REPS2: variants seen among roughly 807,000 people sequenced by gnomAD.
The protein encoded by REPS2 is ralBP1-associated Eps domain-containing protein 2.
Under a neutral mutation model 53.6 loss-of-function variants are expected in REPS2, and 23 were observed. The observed-to-expected ratio is 0.43, with a 90% CI of 0.31 to 0.61. The LOEUF is 0.61. Among genes scored for constraint, REPS2 ranks in the 20% least tolerant of loss-of-function variants. The probability of loss-of-function intolerance (pLI) is 0.11; values close to 1 mark genes in which losing one functional copy is unlikely to be tolerated. For synonymous variants in REPS2, 238 were observed against 218.6 expected, an observed-to-expected ratio of 1.09 and a Z score of -0.78; for missense variants, 446 against 534.9, an observed-to-expected ratio of 0.83 and a Z score of 1.64.
chrX:17,022,044 C>A, intron 2 of REPS2, 79 bp from the exon 3 acceptor site: 1 of 898,955 alleles, frequency 1.1e-6, no homozygotes, highest in Non-Finnish European at 1.5e-6. Context: ...AATGATTCAT[C>A]GTTTGGCCAT....
At chrX:17,105,048 A>G (rs1049383312) in intron 14 of REPS2, among the ~76,000 whole-genome samples, 1 of 109,159 alleles carries the variant, frequency 9.2e-6, no homozygotes, top group Non-Finnish European at 1.9e-5. Context: ...TTTTTAACAG[A>G]TAAGGAAGTT....
At chrX:16,981,650 T>C (rs988101938) in intron 1 of REPS2, among the ~76,000 whole-genome samples, 3 of 112,305 alleles carry the variant, frequency 2.7e-5, no homozygotes, top group Non-Finnish European at 5.6e-5. Flanking sequence ...TTCTTCCAAG[T>C]GTGATCAAGC....
Position 16,951,552 on chromosome X carries a change from CACACA to C in REPS2, c.273+4419_273+4423del, listed in dbSNP as rs1250003739. Among the ~76,000 whole-genome samples, 155 of 31,630 alleles carry C rather than the reference CACACA, an allele frequency of 4.9e-3. 1 individual carries two copies. Among genetic ancestry groups the C allele is most frequent in the Admixed American group, 0.016 (36 of 2,257 alleles). 27.5% of individuals were successfully genotyped at this position (31,630 alleles called of 115,157 possible). A position where few individuals can be genotyped will look rare whatever the true frequency, so the allele number is the denominator to read the frequency against. ...ACACACACACACACACACACACACACACACACACCCCCGCTACCTACCTCTCTCTG... is the reference window on the plus strand; with the variant it reads ...ACACACACACACACACACACACACACCACCCCCGCTACCTACCTCTCTCTG... On this transcript the variant is annotated intron_variant, in intron 1 of 17. Transcript: ENST00000357277.
chrX:17,096,880 C>T (rs1297259696), intron 13 of REPS2, among the ~76,000 whole-genome samples: 1 of 110,672 alleles, frequency 9.0e-6, no homozygotes, highest in African/African-American at 3.3e-5. Flanking sequence ...TTGTCTAGAA[C>T]ACAGTACAGT....
rs1405252201 is a variant in REPS2, at chrX:17,022,172, A to G, written c.447A>G (p.Arg149=). 2 of 1,209,620 alleles carry G rather than the reference A, an allele frequency of 1.7e-6. No homozygotes were observed. Residue 149 remains arginine, a synonymous_variant, in exon 3 of 18, where the codon CGA becomes CGG. Transcript: ENST00000357277. ...TGTCAAAGAATGATGGTGAGATACG[A>G]TTTGGGAACCCAGCTGAGCTGCATG... ...FMMSKNDGEI[R]FGNPAELHGT... is the part of the protein sequence containing the mutation.
chrX:17,141,840 G>A (rs2148165134), intron 17 of REPS2, among the ~76,000 whole-genome samples: 1 of 112,355 alleles, frequency 8.9e-6, no homozygotes, highest in African/African-American at 3.2e-5. Flanking sequence ...CTCCAAAGTA[G>A]TCTATAGATT....
intron 1 of REPS2, among the ~76,000 whole-genome samples, chrX:16,984,565 A>G (rs1325160787): frequency 3.6e-5 from 4 of 112,411 alleles, no homozygotes; most frequent in Non-Finnish European, 5.6e-5. Flanking sequence ...CTCATTTGCC[A>G]TAGTTACAAA....
In REPS2 at chrX:17,123,742, A is replaced by G. The variant is rs747293700; in HGVS notation, c.1579-10082A>G. Among the ~76,000 whole-genome samples the G allele has an allele frequency of 8.3e-4, 93 of 112,367 alleles. 1 individual carries two copies. Among genetic ancestry groups the G allele is most frequent in the Non-Finnish European group, 1.6e-3 (83 of 53,273 alleles). The stretch of plus-strand genomic sequence containing the variant: ...TTATTTTTAAAATTTTCTCCCCCCA[A>G]TATTAGTAGCGGTAATATCCAGTGG... On this transcript the variant is annotated intron_variant, in intron 14 of 17. Coordinates refer to ENST00000357277, the MANE Select transcript of REPS2 (RefSeq NM_004726.3).
rs369851838 is a variant in REPS2 at position 17,002,094 on chromosome X, G to A, written c.274-4127G>A. Among the ~76,000 whole-genome samples the A allele has an allele frequency of 9.0e-5, 10 of 111,264 alleles. No individual in the cohort carries two copies. In the South Asian group the frequency reaches 1.5e-3, roughly 17 times the overall value. ...TCCTTGGGTGTGGTGATGATGGTGCGGTGGTGTACGAAAATATCCCTGTTC... is the reference window on the plus strand; with the variant it reads ...TCCTTGGGTGTGGTGATGATGGTGCAGTGGTGTACGAAAATATCCCTGTTC... On this transcript the variant is annotated intron_variant, in intron 1 of 17. Transcript: ENST00000357277.
At chrX:17,053,368 G>GT (rs2062027823) in intron 7 of REPS2, among the ~76,000 whole-genome samples, 1 of 110,748 alleles carries the variant, frequency 9.0e-6, no homozygotes, top group Non-Finnish European at 1.9e-5. Flanking sequence ...TTTTTGTTTT[G>GT]TTTTTTGTTT....
chrX:16,969,845 A>C (rs1247485622), intron 1 of REPS2, among the ~76,000 whole-genome samples: 2 of 110,579 alleles, frequency 1.8e-5, no homozygotes, highest in African/African-American at 6.6e-5. Flanking sequence ...AACCCTTTCC[A>C]AATGAGGGAG....
chrX:17,023,887 C>G (rs2061605099), intron 3 of REPS2, among the ~76,000 whole-genome samples: 1 of 111,446 alleles, frequency 9.0e-6, no homozygotes, highest in African/African-American at 3.3e-5. Flanking sequence ...TGCTTTAGAG[C>G]AAACATATTT....
chrX:16,965,845 C>T (rs1411750220), intron 1 of REPS2, among the ~76,000 whole-genome samples: 4 of 112,756 alleles, frequency 3.5e-5, no homozygotes, highest in African/African-American at 6.4e-5. Flanking sequence ...AACGAGACTC[C>T]GTCTGCAATC....
At chrX:17,182,718 G>A in the REPS2 span, among the ~76,000 whole-genome samples, 1 of 112,412 alleles carries the variant, frequency 8.9e-6, no homozygotes, top group East Asian at 2.8e-4. Context: ...CACTAACAAA[G>A]ACATGCAGCC....
rs1278705544 is a variant in REPS2 at position 16,946,833 on chromosome X, G to A, written c.-29G>A. The A allele has an allele frequency of 2.6e-6, 2 of 759,310 alleles. No homozygotes were observed. The highest frequency in any genetic ancestry group is 4.7e-5 in the African/African-American group (2 of 42,298). The allele number at this position is 759,310 out of a possible 1,213,427, so 62.6% of individuals were successfully genotyped here. A position where few individuals can be genotyped will look rare whatever the true frequency, so the allele number is the denominator to read the frequency against. On this transcript the variant is annotated 5_prime_UTR_variant, in exon 1 of 18. Transcript: ENST00000357277. ...CGCAGCAGCACCCCAGCTAGGGACAGGGCTCCGCCGCGCCCCCTTGCTGGC... is the reference window on the plus strand; with the variant it reads ...CGCAGCAGCACCCCAGCTAGGGACAAGGCTCCGCCGCGCCCCCTTGCTGGC...
intron 5 of REPS2, among the ~76,000 whole-genome samples, chrX:17,036,824 AAGAT>A (rs1194996452): frequency 6.7e-5 from 6 of 90,217 alleles, no homozygotes; most frequent in Admixed American, 4.0e-4. Flanking sequence ...GGTAGAGATA[AAGAT>A]AGATAGAGGG....
At chrX:17,070,173 A>G (rs754981579) in intron 11 of REPS2, among the ~76,000 whole-genome samples, 180 bp downstream of exon 11, 26 of 111,953 alleles carry the variant, frequency 2.3e-4, no homozygotes, top group Non-Finnish European at 3.8e-4. Context: ...CTTTTCAGGT[A>G]TGAGAACGGG....
intron 5 of REPS2, among the ~76,000 whole-genome samples, chrX:17,032,335 A>G (rs778903425): frequency 8.9e-6 from 1 of 112,291 alleles, no homozygotes. Flanking sequence ...TTTCTGTAAT[A>G]CAAATGACTT....
the REPS2 span, among the ~76,000 whole-genome samples, chrX:17,188,546 G>C: frequency 8.9e-6 from 1 of 111,990 alleles, no homozygotes; most frequent in Non-Finnish European, 1.9e-5. Context: ...AAATATCCTA[G>C]GAAAGGCTCA....
Sources: gnomAD v4.1 joint callset for allele counts (sites outside exome capture counted in the v4.1 genomes callset) on GRCh38, gnomAD v4.1.1 for gene constraint, MANE v1.5 for transcripts, NCBI Gene and HGNC (gene_info 2026-07-23, HGNC 2026-07-21) for gene names.